Variants in KCNIP4 observed in about 807,000 individuals in gnomAD.
KCNIP4 encodes Kv channel-interacting protein 4.
KCNIP4 carries 12 observed loss-of-function variants against 34.0 expected under a neutral mutation model. That is an observed-to-expected ratio of 0.35 (90% CI 0.23 to 0.57). KCNIP4 has a LOEUF of 0.57. Ranked by LOEUF, KCNIP4 falls within the 20% of genes least tolerant of loss-of-function variation. The probability of loss-of-function intolerance (pLI) is 0.83; values close to 1 mark genes in which losing one functional copy is unlikely to be tolerated. For missense variants in KCNIP4, 238 were observed against 311.7 expected (o/e 0.76, Z 1.78); for synonymous variants, 124 against 102.2 (o/e 1.21, Z -1.29).
chr4:20,850,547 T>C lies in KCNIP4; in HGVS notation c.284A>G (p.Lys95Arg). ...AGTCAAAAAGAAAGTTCTTACATTC[T>C]TAAATCCTCTGTAAAGGATCTGAAG... Reference protein sequence around the residue: ...KELQILYRGFKNECPSGVVNE... With the variant: ...KELQILYRGFRNECPSGVVNE... Residue 95 changes from lysine (K) to arginine (R), a missense_variant, in exon 3 of 9, where the codon AAG (lysine) becomes AGG (arginine). Physicochemically the swap from Lys to Arg is conservative, Grantham distance 26. Coordinates refer to ENST00000382152, the MANE Select transcript of KCNIP4 (RefSeq NM_025221.6). 1 of 1,612,622 alleles carries C rather than the reference T, an allele frequency of 6.2e-7. No homozygotes were observed. The highest frequency in any genetic ancestry group is 8.5e-7 in the Non-Finnish European group (1 of 1,179,624).
chr4:21,560,689 T>G (rs1739433242), intron 1 of KCNIP4, among the ~76,000 whole-genome samples: 1 of 152,134 alleles, frequency 6.6e-6, no homozygotes, highest in African/African-American at 2.4e-5. Context: ...TTATATCATT[T>G]AATGCATCAG....
At chr4:21,783,897 T>A (rs1221858159) in intron 1 of KCNIP4, among the ~76,000 whole-genome samples, 2 of 152,186 alleles carry the variant, frequency 1.3e-5, no homozygotes, top group African/African-American at 4.8e-5. Context: ...AGTAGCAGCA[T>A]AATTACATTA....
chr4:20,764,576 T>A (rs73802312), intron 3 of KCNIP4, among the ~76,000 whole-genome samples: 2,481 of 151,726 alleles, frequency 0.016, 48 homozygotes, highest in African/African-American at 0.045. Flanking sequence ...CTATGCACAG[T>A]CATGGTGCTT....
At chr4:21,647,862 GCTTTT>G (rs1747140423) in intron 1 of KCNIP4, among the ~76,000 whole-genome samples, 1 of 108,266 alleles carries the variant, frequency 9.2e-6, no homozygotes, top group Non-Finnish European at 1.8e-5. Context: ...CTACAATGAT[GCTTTT>G]TTTTTTTTTT....
chr4:21,293,979 G>A (rs908859601), intron 1 of KCNIP4, among the ~76,000 whole-genome samples: 5 of 152,022 alleles, frequency 3.3e-5, no homozygotes, highest in Admixed American at 1.3e-4. Context: ...TTTGAATCCC[G>A]CCTTGACCAC....
At chr4:21,003,735 G>A (rs9990555) in intron 1 of KCNIP4, among the ~76,000 whole-genome samples, 150,873 of 152,296 alleles carry the variant, frequency 0.99, 74,744 homozygotes, top group Middle Eastern at 1. Flanking sequence ...ATTTTATTAA[G>A]TGAAACTGGA....
chr4:21,254,943 C>G (rs1331068741), intron 1 of KCNIP4, among the ~76,000 whole-genome samples: 1 of 152,166 alleles, frequency 6.6e-6, no homozygotes, highest in Non-Finnish European at 1.5e-5. Context: ...ATCACTGCCA[C>G]CCGTCCCCAG....
At chr4:21,019,867 G>T (rs958394003) in intron 1 of KCNIP4, among the ~76,000 whole-genome samples, 2 of 152,130 alleles carry the variant, frequency 1.3e-5, no homozygotes, top group Non-Finnish European at 2.9e-5. Flanking sequence ...GAAGAGGAAA[G>T]AAGTATACAG....
chr4:20,948,166 C>T (rs1399653578), intron 1 of KCNIP4, among the ~76,000 whole-genome samples: 1 of 152,058 alleles, frequency 6.6e-6, no homozygotes, highest in Admixed American at 6.5e-5. Context: ...CAGATTTGGA[C>T]CTTATTCATT....
chr4:20,906,619 C>T (rs1256633770), intron 1 of KCNIP4, among the ~76,000 whole-genome samples: 1 of 152,214 alleles, frequency 6.6e-6, no homozygotes, highest in Non-Finnish European at 1.5e-5. Context: ...ACCTTACCCA[C>T]CTCCTCAAAT....
chr4:21,461,662 T>C (rs1335237190), intron 1 of KCNIP4, among the ~76,000 whole-genome samples: 5 of 152,000 alleles, frequency 3.3e-5, no homozygotes. Context: ...CTGCACCTTG[T>C]ATGCCAACTG....
intron 1 of KCNIP4, among the ~76,000 whole-genome samples, chr4:21,433,996 C>A (rs73249583): frequency 2.6e-5 from 4 of 152,174 alleles, no homozygotes; most frequent in Non-Finnish European, 5.9e-5. Context: ...ATTTTATAAT[C>A]GGTATTTTCT....
chr4:21,037,111 G>A (rs1055195082), intron 1 of KCNIP4, among the ~76,000 whole-genome samples: 1 of 152,146 alleles, frequency 6.6e-6, no homozygotes, highest in East Asian at 1.9e-4. Context: ...TTTAAGCTAA[G>A]TGTGGTTATT....
chr4:21,695,244 G>T (rs143206250), intron 1 of KCNIP4, among the ~76,000 whole-genome samples: 22 of 152,094 alleles, frequency 1.4e-4, no homozygotes, highest in Non-Finnish European at 1.0e-4. Context: ...TTTCCAAGTC[G>T]CATTTTGAGT....
At chr4:21,919,134 G>A (rs1469796899) in intron 1 of KCNIP4, among the ~76,000 whole-genome samples, 5 of 152,160 alleles carry the variant, frequency 3.3e-5, no homozygotes, top group African/African-American at 1.2e-4. Flanking sequence ...AGAGAGTTTT[G>A]TCTTAACAGT....
At chr4:20,879,226 T>C (rs565010432) in intron 2 of KCNIP4, among the ~76,000 whole-genome samples, 12 of 152,326 alleles carry the variant, frequency 7.9e-5, no homozygotes, top group African/African-American at 2.9e-4. Context: ...TCTCATTTCT[T>C]ACTCTGGTTG....
At chr4:21,572,799 G>C (rs1740461687) in intron 1 of KCNIP4, among the ~76,000 whole-genome samples, 1 of 152,038 alleles carries the variant, frequency 6.6e-6, no homozygotes, top group Admixed American at 6.6e-5. Flanking sequence ...GCTAATTTTT[G>C]TATTTTTAGT....
intron 1 of KCNIP4, among the ~76,000 whole-genome samples, chr4:21,530,193 C>T (rs10516391): frequency 0.011 from 1,598 of 152,132 alleles, 34 homozygotes; most frequent in African/African-American, 0.035. Context: ...ATGAATATTC[C>T]GGATCAAATG....
At chr4:20,786,213 A>G (rs1349456067) in intron 3 of KCNIP4, among the ~76,000 whole-genome samples, 1 of 152,154 alleles carries the variant, frequency 6.6e-6, no homozygotes, top group African/African-American at 2.4e-5. Context: ...CAAATACTGC[A>G]TGTACTCACT....
Sources: allele counts gnomAD v4.1 joint callset (sites outside exome capture counted in the v4.1 genomes callset), GRCh38; gene constraint gnomAD v4.1.1; transcripts MANE v1.5; gene names NCBI Gene and HGNC (gene_info 2026-07-23, HGNC 2026-07-21).